The following PPARA variants were observed in gnomAD, a reference collection of about 807,000 sequenced individuals.
PPARA encodes the protein peroxisome proliferator activated receptor alpha, also known as peroxisome proliferator-activated receptor alpha.
PPARA carries 22 observed loss-of-function variants against 42.2 expected under a neutral mutation model. The ratio of observed to expected loss-of-function variants is 0.52; its 90% CI spans 0.37 to 0.74. PPARA has a LOEUF of 0.74. Among genes scored for constraint, PPARA ranks in the 30% least tolerant of loss-of-function variants. The pLI, the probability that PPARA is intolerant of heterozygous loss-of-function variation, is 0.00. For synonymous variants in PPARA, 242 were observed against 239.3 expected (o/e 1.01, Z -0.10); for missense variants, 465 against 608.2 (o/e 0.76, Z 2.48).
Position 46,188,834 on chromosome 22 carries a change from T to C in PPARA, c.-42-9508T>C, listed in dbSNP as rs946046284. Reference sequence around the variant, plus strand: ...AGTCATTAGCTCAGGTGCGTACTCATGTGTTCCACGAGTTCAAGCCTCAGC... The same window carrying C: ...AGTCATTAGCTCAGGTGCGTACTCACGTGTTCCACGAGTTCAAGCCTCAGC... On this transcript the variant is annotated intron_variant, in intron 3 of 8. Coordinates refer to ENST00000407236, the MANE Select transcript of PPARA (RefSeq NM_005036.6). The surrounding 1 kb of genome is among the most constrained non-coding windows in gnomAD (Gnocchi z 5.0). The C allele has an allele frequency of 6.6e-6, 1 of 152,392 alleles. No individual in the cohort carries two copies. Among genetic ancestry groups the C allele is most frequent in the African/African-American group, 2.4e-5 (1 of 41,590 alleles). The allele number at this position is 152,392 out of a possible 1,614,324, so 9.4% of individuals were successfully genotyped here.
chr22:46,218,435 C>A, intron 6 of PPARA, 34 bp downstream of exon 6: 1 of 1,613,648 alleles, frequency 6.2e-7, no homozygotes, highest in South Asian at 1.1e-5. Context: ...TTTCCCAGTT[C>A]GTTCCTCAGT....
intron 4 of PPARA, among the ~76,000 whole-genome samples, chr22:46,201,016 C>A (rs541064644): frequency 6.6e-6 from 1 of 151,888 alleles, no homozygotes; most frequent in African/African-American, 2.4e-5. Context: ...GAGTTAAAGA[C>A]CAGCCTGGTC....
At position 46,184,729 on chromosome 22, in the gene PPARA, C is replaced by T. The variant is rs575414948; in HGVS notation, c.-43+7893C>T. On this transcript the variant is annotated intron_variant, in intron 3 of 8. Transcript: ENST00000407236. The surrounding 1 kb of genome is among the most constrained non-coding windows in gnomAD (Gnocchi z 4.4). ...AATTAGCCAGGCGTGGTGGCGCACG[C>T]CTGTAGTACCAGCTATTCGGGAGGC... 2.0e-5 allele frequency among the ~76,000 whole-genome samples: 3 copies of T among 152,300 alleles called. No homozygotes were observed. The East Asian group carries it at 5.8e-4, about 29-fold the overall frequency.
At chr22:46,158,686 A>G (rs1023101074) in intron 2 of PPARA, among the ~76,000 whole-genome samples, 5 of 152,330 alleles carry the variant, frequency 3.3e-5, no homozygotes, top group African/African-American at 9.6e-5. Context: ...AGAAATGGTA[A>G]TAGGGATATT....
chr22:46,221,149 T>C lies in PPARA; in HGVS notation c.711+1135T>C, dbSNP rs1934968373. Among the ~76,000 whole-genome samples, 1 of 152,086 alleles carries C rather than the reference T, an allele frequency of 6.6e-6. No individual in the cohort carries two copies. Among genetic ancestry groups the C allele is most frequent in the Non-Finnish European group, 1.5e-5 (1 of 68,018 alleles). On this transcript the variant is annotated intron_variant, in intron 7 of 8. Coordinates refer to ENST00000407236, the MANE Select transcript of PPARA (RefSeq NM_005036.6). This position sits in a 1 kb window ranked among gnomAD's most constrained non-coding sequence, Gnocchi z 5.9. ...GTGAAGTGGGAGTAGGCGTCTTGCA[T>C]GGCAGGAGCAAAAACAAGAGACACA... is the stretch of plus-strand genomic sequence containing the variant.
At position 46,215,185 on chromosome 22, in the gene PPARA, C is replaced by G; in HGVS notation, c.221C>G (p.Pro74Arg). The G allele has an allele frequency of 3.7e-6, 6 of 1,613,982 alleles. No homozygotes were observed. Among genetic ancestry groups the G allele is most frequent in the Non-Finnish European group, 5.1e-6 (6 of 1,180,016 alleles). The change falls in exon 5 of 9, where the codon CCA (proline) becomes CGA (arginine). Residue 74 changes from proline to arginine, a missense_variant. Coordinates refer to ENST00000407236, the MANE Select transcript of PPARA (RefSeq NM_005036.6). Reference protein sequence around the residue: ...DGSVITDTLSPASSPSSVTYP... With the variant: ...DGSVITDTLSRASSPSSVTYP... Reference sequence around the variant, plus strand: ...TCTTTTTCCCCAGACACGCTTTCACCAGCTTCGAGCCCCTCCTCGGTGACT... The same window carrying G: ...TCTTTTTCCCCAGACACGCTTTCACGAGCTTCGAGCCCCTCCTCGGTGACT...
At position 46,240,507 on chromosome 22, in the gene PPARA, G is replaced by T. The variant is rs1005992440; in HGVS notation, c.*5127G>T. The T allele has an allele frequency of 1.6e-5, 6 of 369,582 alleles. No individual in the cohort carries two copies. The highest frequency in any genetic ancestry group is 1.2e-4 in the African/African-American group (6 of 48,120). The allele number at this position is 369,582 out of a possible 1,614,324, so 22.9% of individuals were successfully genotyped here. On this transcript the variant is annotated 3_prime_UTR_variant, in exon 9 of 9. Coordinates refer to ENST00000407236, the MANE Select transcript of PPARA (RefSeq NM_005036.6). The surrounding 1 kb of genome is among the most constrained non-coding windows in gnomAD (Gnocchi z 6.0). ...GTTAGCATGGTTGGCCTGATGCAGG[G>T]ATCCCGAGGGATTACTTTTTAGACC...
Position 46,243,725 on chromosome 22 carries a change from G to C in PPARA, c.*8345G>C, listed in dbSNP as rs1936439115. On this transcript the variant is annotated 3_prime_UTR_variant, in exon 9 of 9. Coordinates refer to ENST00000407236, the MANE Select transcript of PPARA (RefSeq NM_005036.6). This position sits in a 1 kb window ranked among gnomAD's most constrained non-coding sequence, Gnocchi z 5.0. ...TTCAGGGTACAGTTTTGCCTTAATG[G>C]TTTTAAAAAATAAACTATTTTTTAA... The C allele has an allele frequency of 6.6e-6, 1 of 152,288 alleles. No homozygotes were observed. The highest frequency in any genetic ancestry group is 6.5e-5 in the Admixed American group (1 of 15,276). 9.4% of individuals were successfully genotyped at this position (152,288 alleles called of 1,614,324 possible). A position where few individuals can be genotyped will look rare whatever the true frequency, so the allele number is the denominator to read the frequency against.
intron 4 of PPARA, among the ~76,000 whole-genome samples, chr22:46,198,857 C>T (rs1392187433): frequency 2.6e-5 from 4 of 151,970 alleles, no homozygotes; most frequent in Non-Finnish European, 5.9e-5. Flanking sequence ...GACGGGGTTT[C>T]ACTGTGTTAG....
In PPARA at chr22:46,160,980, G is replaced by A. The variant is rs77657007; in HGVS notation, c.-127+9010G>A. Among the ~76,000 whole-genome samples, 858 of 152,304 alleles carry A rather than the reference G, an allele frequency of 5.6e-3. 14 individuals are homozygous for A. The highest frequency in any genetic ancestry group is 0.02 in the African/African-American group (820 of 41,564). ...CCCTTTACTTAGATGAATCTAGCAA[G>A]GTTGGCTGTTAGTGTCTAGGTCAGA... is the stretch of plus-strand genomic sequence containing the variant. On this transcript the variant is annotated intron_variant, in intron 2 of 8. Transcript: ENST00000407236. The surrounding 1 kb of genome is among the most constrained non-coding windows in gnomAD (Gnocchi z 4.5).
intron 3 of PPARA, among the ~76,000 whole-genome samples, chr22:46,186,184 G>A (rs1430528405): frequency 2.0e-5 from 3 of 151,464 alleles, no homozygotes; most frequent in Non-Finnish European, 2.9e-5. Flanking sequence ...TTCATAGACC[G>A]GATGCCATCA....
chr22:46,214,592 C>T (rs113894736), intron 4 of PPARA, among the ~76,000 whole-genome samples: 4 of 143,818 alleles, frequency 2.8e-5, no homozygotes, highest in African/African-American at 1.1e-4. Flanking sequence ...CGGAGATGTG[C>T]GGGTCTGGAG....
chr22:46,152,317 T>G (rs1924569739), intron 2 of PPARA, among the ~76,000 whole-genome samples: 2 of 151,904 alleles, frequency 1.3e-5, no homozygotes, highest in South Asian at 4.2e-4. Flanking sequence ...TTTTGTAGTT[T>G]TAGTAGAGGC....
chr22:46,208,030 C>T (rs1281489589), intron 4 of PPARA, among the ~76,000 whole-genome samples: 1 of 152,046 alleles, frequency 6.6e-6, no homozygotes, highest in East Asian at 1.9e-4. Flanking sequence ...CTAAAAGAAA[C>T]TTGGTGTCAT....
At position 46,234,821 on chromosome 22, in the gene PPARA, T is replaced by C. The variant is rs1936110913; in HGVS notation, c.1160-312T>C. Among the ~76,000 whole-genome samples, 1 of 152,132 alleles carries C rather than the reference T, an allele frequency of 6.6e-6. No individual in the cohort carries two copies. The highest frequency in any genetic ancestry group is 2.1e-4 in the South Asian group (1 of 4,830). ...TACTGTTCCTCCTACTAGCTCTAATTTTTCTCCCTGACAGGTGGTCATCAG... is the reference window on the plus strand; with the variant it reads ...TACTGTTCCTCCTACTAGCTCTAATCTTTCTCCCTGACAGGTGGTCATCAG... On this transcript the variant is annotated intron_variant, in intron 8 of 8. Transcript: ENST00000407236. The surrounding 1 kb of genome is among the most constrained non-coding windows in gnomAD (Gnocchi z 5.8).
chr22:46,153,127 T>G (rs1266296667), intron 2 of PPARA, among the ~76,000 whole-genome samples: 1 of 150,754 alleles, frequency 6.6e-6, no homozygotes, highest in East Asian at 1.9e-4. Context: ...CTAATTGACA[T>G]TAGAAAAAAA....
intron 4 of PPARA, among the ~76,000 whole-genome samples, chr22:46,209,112 T>G (rs1933679737): frequency 6.6e-6 from 1 of 152,190 alleles, no homozygotes; most frequent in Non-Finnish European, 1.5e-5. Flanking sequence ...GTAGTGCTAT[T>G]TTTGTTTTTT....
At chr22:46,197,058 G>GT (rs1052679032) in intron 3 of PPARA, among the ~76,000 whole-genome samples, 38 of 148,618 alleles carry the variant, frequency 2.6e-4, no homozygotes, top group Non-Finnish European at 2.8e-4. Context: ...TTTGGTTTTG[G>GT]TTTTTTTTTG....
chr22:46,150,888 G>A lies in PPARA; in HGVS notation c.-210+236G>A, dbSNP rs910201384. On this transcript the variant is annotated intron_variant, in intron 1 of 8. Coordinates refer to ENST00000407236, the MANE Select transcript of PPARA (RefSeq NM_005036.6). The surrounding 1 kb of genome is among the most constrained non-coding windows in gnomAD (Gnocchi z 7.5). Reference sequence around the variant, plus strand: ...ACACACACCGAGGACTCTTGCGAGGGATCTCGGGGCCCAGCTCGGCCTCCC... The same window carrying A: ...ACACACACCGAGGACTCTTGCGAGGAATCTCGGGGCCCAGCTCGGCCTCCC... 2 of 151,916 alleles carry A rather than the reference G, an allele frequency of 1.3e-5. No individual in the cohort carries two copies. Among genetic ancestry groups the A allele is most frequent in the African/African-American group, 4.8e-5 (2 of 41,386 alleles). 9.4% of individuals were successfully genotyped at this position (151,916 alleles called of 1,614,324 possible). A position where few individuals can be genotyped will look rare whatever the true frequency, so the allele number is the denominator to read the frequency against.
Sources: gnomAD v4.1 joint callset for allele counts (sites outside exome capture counted in the v4.1 genomes callset) on GRCh38, gnomAD v4.1.1 for gene constraint, Gnocchi (gnomAD v3.1) non-coding constraint, MANE v1.5 for transcripts, NCBI Gene and HGNC (gene_info 2026-07-23, HGNC 2026-07-21) for gene names.